MACROD2: variants seen among roughly 807,000 people sequenced by gnomAD.
MACROD2 encodes the protein mono-ADP ribosylhydrolase 2.
In MACROD2, 36 loss-of-function variants were observed where a neutral mutation model predicts 70.4. The observed-to-expected ratio is 0.51, with a 90% CI of 0.39 to 0.68. MACROD2 has a LOEUF of 0.68. Ranked by LOEUF, MACROD2 falls within the 30% of genes least tolerant of loss-of-function variation. The pLI, the probability that MACROD2 is intolerant of heterozygous loss-of-function variation, is 0.00. For synonymous variants in MACROD2, 172 were observed against 178.8 expected, an observed-to-expected ratio of 0.96 and a Z score of 0.30; for missense variants, 496 against 538.4, an observed-to-expected ratio of 0.92 and a Z score of 0.78.
At chr20:15,937,293 T>A (rs1021136183) in intron 11 of MACROD2, among the ~76,000 whole-genome samples, 183 bp from the exon 12 acceptor site, 15 of 152,164 alleles carry the variant, frequency 9.9e-5, no homozygotes, top group Admixed American at 5.2e-4. Context: ...AGGTTCCTGT[T>A]TCACTAATTA....
intron 5 of MACROD2, among the ~76,000 whole-genome samples, chr20:15,130,013 C>T (rs966899244): frequency 8.5e-5 from 13 of 152,052 alleles, no homozygotes; most frequent in African/African-American, 2.4e-4. Flanking sequence ...TCACCCACCT[C>T]CAGTTTCAGT....
At chr20:14,239,390 A>G (rs1043519218) in intron 3 of MACROD2, among the ~76,000 whole-genome samples, 6 of 152,216 alleles carry the variant, frequency 3.9e-5, no homozygotes, top group Non-Finnish European at 5.9e-5. Context: ...TTCATATGGA[A>G]CAACAACAAA....
chr20:15,461,002 A>ATTTTTTTTTT (rs199589127), intron 7 of MACROD2, among the ~76,000 whole-genome samples: 1 of 50,262 alleles, frequency 2.0e-5, no homozygotes, highest in African/African-American at 7.2e-5. Context: ...ATATATATAT[A>ATTTTTTTTTT]TATATTTTTT....
chr20:14,079,593 A>G (rs1166244751), intron 2 of MACROD2, among the ~76,000 whole-genome samples: 1 of 152,194 alleles, frequency 6.6e-6, no homozygotes, highest in East Asian at 1.9e-4. Flanking sequence ...AGAAACACTT[A>G]CTGAGTATTC....
intron 6 of MACROD2, among the ~76,000 whole-genome samples, chr20:15,351,242 C>T (rs1363417418): frequency 6.6e-6 from 1 of 152,068 alleles, no homozygotes; most frequent in East Asian, 1.9e-4. Flanking sequence ...TGGTTGTTGC[C>T]ATAGGCTGGA....
At chr20:15,072,845 G>A (rs181809076) in intron 5 of MACROD2, among the ~76,000 whole-genome samples, 2 of 152,234 alleles carry the variant, frequency 1.3e-5, no homozygotes, top group Admixed American at 6.5e-5. Context: ...CCCAAAGTTT[G>A]TGTGTTGAAA....
chr20:15,511,053 C>T (rs921724908), intron 8 of MACROD2, among the ~76,000 whole-genome samples: 13 of 152,126 alleles, frequency 8.5e-5, no homozygotes, highest in Admixed American at 3.3e-4. Flanking sequence ...GGCAAGGAAG[C>T]GAAGCCCCAC....
intron 3 of MACROD2, among the ~76,000 whole-genome samples, chr20:14,129,336 A>G (rs964229356): frequency 6.6e-6 from 1 of 152,238 alleles, no homozygotes; most frequent in Admixed American, 6.5e-5. Flanking sequence ...TGGAAATAGC[A>G]AGAATATTAG....
intron 15 of MACROD2, among the ~76,000 whole-genome samples, chr20:16,038,788 CTGTT>C (rs2067269555): frequency 2.6e-5 from 4 of 152,100 alleles, no homozygotes; most frequent in East Asian, 1.9e-4. Context: ...ATTCTGGACA[CTGTT>C]TGAAAAACTG....
intron 15 of MACROD2, among the ~76,000 whole-genome samples, chr20:16,022,123 T>C (rs1461607109): frequency 1.4e-5 from 2 of 143,358 alleles, no homozygotes; most frequent in Non-Finnish European, 3.0e-5. Flanking sequence ...CGATCTTGGC[T>C]CACTGCAAGC....
intron 7 of MACROD2, among the ~76,000 whole-genome samples, chr20:15,473,282 T>G (rs2046983097): frequency 6.6e-6 from 1 of 152,230 alleles, no homozygotes; most frequent in African/African-American, 2.4e-5. Context: ...AGTGAAACAC[T>G]TTCTCTAGGT....
At chr20:15,469,799 T>A (rs2046941423) in intron 7 of MACROD2, among the ~76,000 whole-genome samples, 1 of 152,170 alleles carries the variant, frequency 6.6e-6, no homozygotes, top group Admixed American at 6.5e-5. Context: ...CTCCTAGCAG[T>A]AATGTACCAA....
At chr20:15,861,688 C>T (rs2064426304) in intron 8 of MACROD2, among the ~76,000 whole-genome samples, 1 of 152,128 alleles carries the variant, frequency 6.6e-6, no homozygotes, top group South Asian at 2.1e-4. Flanking sequence ...GTTTATAACC[C>T]AGCCCCTACT....
intron 3 of MACROD2, among the ~76,000 whole-genome samples, chr20:14,172,201 C>T (rs1321376073): frequency 2.0e-5 from 3 of 152,142 alleles, no homozygotes; most frequent in East Asian, 1.9e-4. Flanking sequence ...TCTTTTTCCA[C>T]CCTTTTACCT....
At chr20:15,708,404 A>G (rs1413140171) in intron 8 of MACROD2, among the ~76,000 whole-genome samples, 1 of 152,142 alleles carries the variant, frequency 6.6e-6, no homozygotes, top group Non-Finnish European at 1.5e-5. Flanking sequence ...ATGTGATGCA[A>G]CTGAGGGATG....
At chr20:14,059,666 T>A (rs958593140) in intron 2 of MACROD2, among the ~76,000 whole-genome samples, 1 of 152,232 alleles carries the variant, frequency 6.6e-6, no homozygotes, top group African/African-American at 2.4e-5. Context: ...TTTCATTTTT[T>A]GGAAGAACAT....
Position 14,164,835 on chromosome 20 carries a change from C to A in MACROD2, c.271+79107C>A, listed in dbSNP as rs562456570. Among the ~76,000 whole-genome samples the A allele has an allele frequency of 1.8e-4, 28 of 152,282 alleles. No individual in the cohort carries two copies. In the South Asian group the frequency reaches 5.8e-3, roughly 32 times the overall value. ...CCCTGCTACTGAGGAGGGCAAGATG[C>A]CTTTCAGTGGGAGCAACTGTAAGCA... On this transcript the variant is annotated intron_variant, in intron 3 of 17. Coordinates refer to ENST00000684519, the MANE Select transcript of MACROD2 (RefSeq NM_001351661.2).
At chr20:14,737,743 A>T (rs759590099) in intron 5 of MACROD2, among the ~76,000 whole-genome samples, 1 of 152,050 alleles carries the variant, frequency 6.6e-6, no homozygotes, top group Non-Finnish European at 1.5e-5. Flanking sequence ...TTGGCCACAT[A>T]AATGTTTTCT....
intron 4 of MACROD2, among the ~76,000 whole-genome samples, chr20:14,646,637 A>G (rs1280391506): frequency 1.3e-5 from 2 of 151,830 alleles, no homozygotes; most frequent in African/African-American, 2.4e-5. Context: ...TTTTGTTTTT[A>G]TGTTACAGAA....
Sources: allele counts gnomAD v4.1 joint callset (sites outside exome capture counted in the v4.1 genomes callset), GRCh38; gene constraint gnomAD v4.1.1; transcripts MANE v1.5; gene names NCBI Gene and HGNC (gene_info 2026-07-23, HGNC 2026-07-21).